DGKE: variants seen among roughly 807,000 people sequenced by gnomAD.
The protein encoded by DGKE is DAG kinase epsilon.
Under a neutral mutation model 70.0 loss-of-function variants are expected in DGKE, and 53 were observed. The ratio of observed to expected loss-of-function variants is 0.76; its 90% CI spans 0.61 to 0.95. The LOEUF is 0.95. Ranked by LOEUF, DGKE falls within the 40% of genes least tolerant of loss-of-function variation. The probability of loss-of-function intolerance (pLI) is 0.00; values close to 1 mark genes in which losing one functional copy is unlikely to be tolerated. For synonymous variants in DGKE, 291 were observed against 257.0 expected, an observed-to-expected ratio of 1.13 and a Z score of -1.27; for missense variants, 655 against 706.9, an observed-to-expected ratio of 0.93 and a Z score of 0.83.
chr17:56,853,479 A>G (rs1176955400), intron 7 of DGKE, among the ~76,000 whole-genome samples: 2 of 152,262 alleles, frequency 1.3e-5, no homozygotes, highest in Non-Finnish European at 1.5e-5. Context: ...ATTCTTTATA[A>G]TGGGTGAAAT....
chr17:56,856,645 A>G lies in DGKE; in HGVS notation c.1212+20A>G. 1 of 1,604,112 alleles carries G rather than the reference A, an allele frequency of 6.2e-7. No homozygotes were observed. Reference sequence around the variant, plus strand: ...AATAAGGTGTGTTGGATAAAATAACATTTCCTGCTTATCACCGAAGGTACA... The same window carrying G: ...AATAAGGTGTGTTGGATAAAATAACGTTTCCTGCTTATCACCGAAGGTACA... On this transcript the variant is annotated intron_variant, in intron 8 of 11. Coordinates refer to ENST00000284061, the MANE Select transcript of DGKE (RefSeq NM_003647.3).
Position 56,858,680 on chromosome 17 carries a change from CTTTTTAT to C in DGKE, c.1284+22_1284+28del, listed in dbSNP as rs753057591. 1.9e-6 allele frequency: 3 copies of C among 1,565,642 alleles called. No homozygotes were observed. Among genetic ancestry groups the C allele is most frequent in the Non-Finnish European group, 2.6e-6 (3 of 1,153,976 alleles). On this transcript the variant is annotated intron_variant, in intron 9 of 11. Transcript: ENST00000284061. Reference sequence around the variant, plus strand: ...AAAAAGTTGAGGTAAGCTATTAACACTTTTTATTTTTTAAAGTTTTAGGTGGTCTCTG... The same window carrying C: ...AAAAAGTTGAGGTAAGCTATTAACACTTTTTAAAGTTTTAGGTGGTCTCTG...
intron 2 of DGKE, among the ~76,000 whole-genome samples, chr17:56,837,907 C>T (rs575803998): frequency 2.6e-5 from 4 of 152,124 alleles, no homozygotes; most frequent in Non-Finnish European, 5.9e-5. Context: ...TATTTTTGTT[C>T]TAGACACTGC....
At chr17:56,855,966 A>G (rs1299361099) in intron 7 of DGKE, among the ~76,000 whole-genome samples, 1 of 148,750 alleles carries the variant, frequency 6.7e-6, no homozygotes, top group East Asian at 2.0e-4. Context: ...AGATCGCGCC[A>G]CTGCATTCCA....
At chr17:56,840,365 T>TTTGTTG (rs753507975) in intron 2 of DGKE, among the ~76,000 whole-genome samples, 176 of 151,732 alleles carry the variant, frequency 1.2e-3, no homozygotes, top group African/African-American at 3.8e-3. Flanking sequence ...AGTAGTTTGT[T>TTTGTTG]TTGTTGTTGT....
rs1402151250 is a variant in DGKE, at chr17:56,869,214, A to G, written c.*6423A>G. On this transcript the variant is annotated 3_prime_UTR_variant, in exon 12 of 12. Transcript: ENST00000284061. ...CCTGGGAAGCAGGCCTAGTGTAAAC[A>G]ATTTATTTTTCTAGAAAAGACAGAA... 1 of 152,220 alleles carries G rather than the reference A, an allele frequency of 6.6e-6. No individual in the cohort carries two copies. Among genetic ancestry groups the G allele is most frequent in the African/African-American group, 2.4e-5 (1 of 41,468 alleles). 9.4% of individuals were successfully genotyped at this position (152,220 alleles called of 1,614,324 possible).
At chr17:56,840,402 G>C (rs938762693) in intron 2 of DGKE, among the ~76,000 whole-genome samples, 1 of 152,008 alleles carries the variant, frequency 6.6e-6, no homozygotes, top group Non-Finnish European at 1.5e-5. Context: ...TTTTGAGACA[G>C]TCTCACTCTG....
At position 56,839,291 on chromosome 17, in the gene DGKE, GTT is replaced by G. The variant is rs546306394; in HGVS notation, c.464+4034_464+4035del. 5.2e-3 allele frequency among the ~76,000 whole-genome samples: 791 copies of G among 152,232 alleles called. 3 individuals carry two copies. The highest frequency in any genetic ancestry group is 7.9e-3 in the Non-Finnish European group (539 of 68,002). On this transcript the variant is annotated intron_variant, in intron 2 of 11. Transcript: ENST00000284061. ...TGCTATCCTTTTGACTTCTCTGAAA[GTT>G]TGGAATTTTTCAAAATAAAAAGAAA...
Position 56,864,668 on chromosome 17 carries a change from T to TAA in DGKE, c.*1879_*1880dup, listed in dbSNP as rs1281932996. On this transcript the variant is annotated 3_prime_UTR_variant, in exon 12 of 12. Transcript: ENST00000284061. The stretch of plus-strand genomic sequence containing the variant: ...TCCTTTCATTCATGATCAAAATTGT[T>TAA]AAAGACATCACATTTTATAAATACA... 6.6e-6 allele frequency: 1 copy of TAA among 151,956 alleles called. No homozygotes were observed. The highest frequency in any genetic ancestry group is 2.1e-4 in the South Asian group (1 of 4,824). 9.4% of individuals were successfully genotyped at this position (151,956 alleles called of 1,614,324 possible).
Position 56,858,645 on chromosome 17 carries a change from G to C in DGKE, c.1264G>C (p.Asp422His). 6.2e-7 allele frequency: 1 copy of C among 1,604,346 alleles called. No homozygotes were observed. Among genetic ancestry groups the C allele is most frequent in the Non-Finnish European group, 8.5e-7 (1 of 1,176,628 alleles). The change falls in exon 9 of 12, where the codon GAT becomes CAT. Residue 422 changes from aspartate (D) to histidine (H), a missense_variant. Asp to His is a moderately conservative substitution (Grantham distance 81). Coordinates refer to ENST00000284061, the MANE Select transcript of DGKE (RefSeq NM_003647.3). Reference sequence around the variant, plus strand: ...AGATTGTTTAGTGCAAGAATGTAAAGATTTGAATAAAAAAGTTGAGGTAAG... The same window carrying C: ...AGATTGTTTAGTGCAAGAATGTAAACATTTGAATAAAAAAGTTGAGGTAAG... ...TKDCLVQECKDLNKKVELELD... is the reference protein window; with the variant it reads ...TKDCLVQECKHLNKKVELELD...
chr17:56,843,254 AGTTACAAAT>A (rs1279256746), intron 2 of DGKE, among the ~76,000 whole-genome samples: 1 of 152,250 alleles, frequency 6.6e-6, no homozygotes, highest in Admixed American at 6.5e-5. Flanking sequence ...TTAAAATAAT[AGTTACAAAT>A]GGTTTTTATG....
chr17:56,844,021 G>A lies in DGKE; in HGVS notation c.467G>A (p.Cys156Tyr). The change falls in exon 3 of 12, where the codon TGC (cysteine) becomes TAC (tyrosine). Residue 156 changes from cysteine to tyrosine, a missense_variant and splice_region_variant. By Grantham distance (194) the Cys-to-Tyr change is radical. Transcript: ENST00000284061. ...GCQPKLCDYR[C>Y]IWCQKTVHDE... ...TGCTTGTTTCTTCCTTCCCTCAGGTGCATTTGGTGCCAGAAAACAGTACAT... is the reference window on the plus strand; with the variant it reads ...TGCTTGTTTCTTCCTTCCCTCAGGTACATTTGGTGCCAGAAAACAGTACAT... The A allele has an allele frequency of 6.5e-7, 1 of 1,537,164 alleles. No individual in the cohort carries two copies. Among genetic ancestry groups the A allele is most frequent in the Non-Finnish European group, 8.7e-7 (1 of 1,149,796 alleles).
chr17:56,856,906 C>G (rs1907985066), intron 8 of DGKE, among the ~76,000 whole-genome samples: 1 of 152,034 alleles, frequency 6.6e-6, no homozygotes, highest in Admixed American at 6.5e-5. Flanking sequence ...CAAGACCAGC[C>G]TGGCCAACAT....
Position 56,852,429 on chromosome 17 carries a change from A to G in DGKE, c.1098+3197A>G, listed in dbSNP as rs117869032. Among the ~76,000 whole-genome samples the G allele has an allele frequency of 1.8e-4, 28 of 152,062 alleles. 2 individuals are homozygous for G. The East Asian group carries it at 5.4e-3, about 29-fold the overall frequency. On this transcript the variant is annotated intron_variant, in intron 7 of 11. Transcript: ENST00000284061. ...CTCTGTCTCAAAAAAAAAAAAATCA[A>G]GAAGTAATGATCTGATTATGTTATT... is the stretch of plus-strand genomic sequence containing the variant.
At chr17:56,851,241 C>A (rs1164972597) in intron 7 of DGKE, among the ~76,000 whole-genome samples, 1 of 152,052 alleles carries the variant, frequency 6.6e-6, no homozygotes, top group Non-Finnish European at 1.5e-5. Context: ...AGCTGTTTGT[C>A]CCCTAGATCA....
intron 3 of DGKE, 38 bp from the exon 4 acceptor site, chr17:56,845,650 TAA>T (rs755289047): frequency 6.4e-7 from 1 of 1,569,850 alleles, no homozygotes; most frequent in East Asian, 2.3e-5. Flanking sequence ...TTTTCATCTT[TAA>T]GATACTAAAC....
chr17:56,840,309 G>T (rs1906892705), intron 2 of DGKE, among the ~76,000 whole-genome samples: 1 of 152,178 alleles, frequency 6.6e-6, no homozygotes, highest in South Asian at 2.1e-4. Flanking sequence ...AGGGGAGAAG[G>T]TTAACTCTTC....
chr17:56,862,747 A>G lies in DGKE; in HGVS notation c.1660A>G (p.Ile554Val). The G allele has an allele frequency of 6.2e-7, 1 of 1,605,430 alleles. No homozygotes were observed. Among genetic ancestry groups the G allele is most frequent in the East Asian group, 2.2e-5 (1 of 44,566 alleles). ...CTCTGGAGAACAAACAGATGATGAC[A>G]TCTCTAGTACTTCGGATCAAGAAGA... ...YFSGEQTDDD[I>V]SSTSDQEDIK... The change falls in exon 12 of 12, where the codon ATC becomes GTC. Residue 554 changes from isoleucine to valine, a missense_variant. Coordinates refer to ENST00000284061, the MANE Select transcript of DGKE (RefSeq NM_003647.3).
chr17:56,868,810 CAGAA>C lies in DGKE; in HGVS notation c.*6024_*6027del, dbSNP rs1174584265. 4 of 152,108 alleles carry C rather than the reference CAGAA, an allele frequency of 2.6e-5. No homozygotes were observed. The highest frequency in any genetic ancestry group is 3.9e-4 in the East Asian group (2 of 5,192). 9.4% of individuals were successfully genotyped at this position (152,108 alleles called of 1,614,324 possible). On this transcript the variant is annotated 3_prime_UTR_variant, in exon 12 of 12. Transcript: ENST00000284061. ...CAAGTTCTGATCACATACTTTTAGA[CAGAA>C]AGAATAAAAAATTCATATTGCATGG...
Sources: gnomAD v4.1 joint callset for allele counts (sites outside exome capture counted in the v4.1 genomes callset) on GRCh38, gnomAD v4.1.1 for gene constraint, MANE v1.5 for transcripts, NCBI Gene and HGNC (gene_info 2026-07-23, HGNC 2026-07-21) for gene names.